Variants in FTCDNL1 observed in about 807,000 individuals in gnomAD.
FTCDNL1 encodes the protein formiminotransferase cyclodeaminase N-terminal like, also known as formiminotransferase N-terminal subdomain-containing protein.
FTCDNL1 carries 11 observed loss-of-function variants against 5.9 expected under a neutral mutation model. The observed-to-expected ratio is 1.87, with a 90% CI of 1.18 to 3.10. The LOEUF is 3.10. FTCDNL1 is among the 30% of genes most tolerant of loss of function. FTCDNL1 has a pLI of 0.00. For synonymous variants in FTCDNL1, 58 were observed against 24.8 expected, an observed-to-expected ratio of 2.34 and a Z score of -3.99; for missense variants, 115 against 65.5, an observed-to-expected ratio of 1.76 and a Z score of -2.61.
At chr2:199,789,583 T>A (rs1405862496) in intron 3 of FTCDNL1, among the ~76,000 whole-genome samples, 1 of 152,178 alleles carries the variant, frequency 6.6e-6, no homozygotes, top group Non-Finnish European at 1.5e-5. Flanking sequence ...AGGCCCAGTA[T>A]CTTCATTACT....
chr2:199,758,612 GC>G (rs1232066653), downstream of FTCDNL1, among the ~76,000 whole-genome samples: 7 of 152,072 alleles, frequency 4.6e-5, no homozygotes, highest in East Asian at 1.3e-3. Context: ...CCTCCCACTG[GC>G]TCCCATGCAA....
intron 3 of FTCDNL1, among the ~76,000 whole-genome samples, chr2:199,764,176 G>C (rs764083425): frequency 6.6e-6 from 1 of 152,142 alleles, no homozygotes; most frequent in Non-Finnish European, 1.5e-5. Context: ...GTCATGGCAC[G>C]TACTGTGCAC....
chr2:199,805,763 A>G (rs1700693280), downstream of FTCDNL1, among the ~76,000 whole-genome samples: 1 of 151,892 alleles, frequency 6.6e-6, no homozygotes. Context: ...AATAAAATAA[A>G]AAATTATTAG....
intron 3 of FTCDNL1, among the ~76,000 whole-genome samples, chr2:199,822,452 GTCA>G (rs910616892): frequency 6.6e-6 from 1 of 152,156 alleles, no homozygotes; most frequent in Non-Finnish European, 1.5e-5. Flanking sequence ...GCTTCAGCAA[GTCA>G]TCATCTTTTT....
exon 4 of FTCDNL1, chr2:199,760,821 G>C (rs1453403040): frequency 5.7e-6 from 4 of 702,344 alleles, no homozygotes; most frequent in South Asian, 4.4e-5. Flanking sequence ...CTTTAGGCTT[G>C]GTTGCGCTTG....
chr2:199,815,713 G>A (rs765848432), intron 4 of FTCDNL1, among the ~76,000 whole-genome samples: 2 of 152,048 alleles, frequency 1.3e-5, no homozygotes, highest in Non-Finnish European at 2.9e-5. Flanking sequence ...AAATGAAAGC[G>A]ATTTATGGCC....
chr2:199,805,481 G>A (rs138940801), downstream of FTCDNL1, among the ~76,000 whole-genome samples: 248 of 152,240 alleles, frequency 1.6e-3, 1 homozygote, highest in African/African-American at 5.6e-3. Flanking sequence ...GCTCATACCT[G>A]TAATCCCAGT....
At chr2:199,840,357 T>C (rs1191758203) in intron 3 of FTCDNL1, among the ~76,000 whole-genome samples, 2 of 152,248 alleles carry the variant, frequency 1.3e-5, no homozygotes, top group Admixed American at 1.3e-4. Context: ...AAATGATTCA[T>C]TGTGAACAAT....
chr2:199,812,589 C>T lies in FTCDNL1; in HGVS notation c.*116G>A, dbSNP rs1701097696. The T allele has an allele frequency of 1.4e-5, 7 of 492,988 alleles. No individual in the cohort carries two copies. In the South Asian group the frequency reaches 2.3e-4, roughly 16 times the overall value. The allele number at this position is 492,988 out of a possible 1,614,324, so 30.5% of individuals were successfully genotyped here. ...AAACCTGATGTGAAAGTTTGTTTCT[C>T]AGTTTGCAGTTTCGCTCCACTCCCG... On this transcript the variant is annotated 3_prime_UTR_variant, in exon 5 of 5. Coordinates refer to ENST00000420128, the MANE Select transcript of FTCDNL1 (RefSeq NM_001363886.2).
the FTCDNL1 span, among the ~76,000 whole-genome samples, chr2:199,723,021 G>A: frequency 6.6e-6 from 1 of 151,930 alleles, no homozygotes; most frequent in East Asian, 1.9e-4. Flanking sequence ...ATAGGTAAAT[G>A]TGTGTCGTGG....
the FTCDNL1 span, among the ~76,000 whole-genome samples, chr2:199,667,260 A>G: frequency 6.6e-6 from 1 of 152,200 alleles, no homozygotes; most frequent in African/African-American, 2.4e-5. Flanking sequence ...GTTTTTATAT[A>G]GCACCTTTCT....
At chr2:199,814,331 C>T (rs1301525066) in intron 4 of FTCDNL1, among the ~76,000 whole-genome samples, 1 of 152,186 alleles carries the variant, frequency 6.6e-6, no homozygotes, top group Admixed American at 6.5e-5. Context: ...TAAGTGAGAA[C>T]CACGTGCCAC....
chr2:199,691,321 C>T, the FTCDNL1 span, among the ~76,000 whole-genome samples: 169 of 152,200 alleles, frequency 1.1e-3, 1 homozygote, highest in Middle Eastern at 6.8e-3. Flanking sequence ...TACAGGCATG[C>T]GCCACCACAC....
At chr2:199,738,889 G>A in the FTCDNL1 span, among the ~76,000 whole-genome samples, 1 of 152,108 alleles carries the variant, frequency 6.6e-6, no homozygotes, top group East Asian at 1.9e-4. Context: ...AAGGAACTTT[G>A]TTTCTATTAA....
chr2:199,674,867 C>A, the FTCDNL1 span, among the ~76,000 whole-genome samples: 1 of 152,052 alleles, frequency 6.6e-6, no homozygotes, highest in Non-Finnish European at 1.5e-5. Flanking sequence ...AAATTTTAGA[C>A]AAAATTCAGA....
chr2:199,680,131 A>G, the FTCDNL1 span, among the ~76,000 whole-genome samples: 1 of 152,182 alleles, frequency 6.6e-6, no homozygotes, highest in Admixed American at 6.5e-5. Flanking sequence ...TGAAGCTGGA[A>G]AAGTAATGCG....
chr2:199,747,513 A>G, the FTCDNL1 span, among the ~76,000 whole-genome samples: 1 of 148,998 alleles, frequency 6.7e-6, no homozygotes, highest in Non-Finnish European at 1.5e-5. Context: ...GATTTCCACT[A>G]CCACTAACCC....
At chr2:199,812,760 G>A (rs113582756) in intron 4 of FTCDNL1, 36 bp from the exon 5 acceptor site, 37 of 694,306 alleles carry the variant, frequency 5.3e-5, no homozygotes, top group African/African-American at 1.4e-4. Flanking sequence ...GTATGATTTC[G>A]TTTTCCATGT....
At chr2:199,803,937 G>C (rs1700595650) in intron 3 of FTCDNL1, among the ~76,000 whole-genome samples, 1 of 152,154 alleles carries the variant, frequency 6.6e-6, no homozygotes, top group African/African-American at 2.4e-5. Flanking sequence ...TACTTAGTTG[G>C]TACTCAGTAA....
Sources: allele counts gnomAD v4.1 joint callset (sites outside exome capture counted in the v4.1 genomes callset), GRCh38; gene constraint gnomAD v4.1.1; transcripts MANE v1.5; gene names NCBI Gene and HGNC (gene_info 2026-07-23, HGNC 2026-07-21).